Variants in RREB1 observed in about 807,000 individuals in gnomAD.
RREB1 encodes the protein ras-responsive element-binding protein 1.
In RREB1, 27 loss-of-function variants were observed where a neutral mutation model predicts 117.8. The ratio of observed to expected loss-of-function variants is 0.23; its 90% CI spans 0.17 to 0.32. The LOEUF (loss-of-function observed/expected upper bound fraction) is 0.32, where lower values mean the gene tolerates loss of function less well. RREB1 is among the 10% of genes least tolerant of loss of function. The probability of loss-of-function intolerance (pLI) is 1.00; values close to 1 mark genes in which losing one functional copy is unlikely to be tolerated. For synonymous variants in RREB1, 1,298 were observed against 1,026.7 expected (o/e 1.26, Z -5.05); for missense variants, 2,577 against 2,378.2 (o/e 1.08, Z -1.74).
At chr6:7,118,360 A>G (rs1237041522) in intron 1 of RREB1, among the ~76,000 whole-genome samples, 2 of 152,044 alleles carry the variant, frequency 1.3e-5, no homozygotes, top group Non-Finnish European at 2.9e-5. Context: ...ACCTCATGTG[A>G]TCTGCCCGCC....
chr6:7,120,813 AT>A (rs754044532), intron 1 of RREB1, among the ~76,000 whole-genome samples: 2,464 of 109,640 alleles, frequency 0.022, 37 homozygotes, highest in African/African-American at 0.064. Context: ...CGCTTGGCTA[AT>A]TTTTTTTTTT....
intron 1 of RREB1, among the ~76,000 whole-genome samples, chr6:7,173,643 C>G (rs1764343663): frequency 6.6e-6 from 1 of 152,056 alleles, no homozygotes; most frequent in African/African-American, 2.4e-5. Flanking sequence ...CAATTTTAGT[C>G]TCAACTAAAA....
chr6:7,171,835 A>G (rs1261584628), intron 1 of RREB1, among the ~76,000 whole-genome samples: 2 of 152,140 alleles, frequency 1.3e-5, no homozygotes, highest in Non-Finnish European at 2.9e-5. Flanking sequence ...TGGGGCAAGG[A>G]ACTGAGCAGA....
chr6:7,206,248 C>T (rs1356365701), intron 6 of RREB1, among the ~76,000 whole-genome samples: 1 of 152,170 alleles, frequency 6.6e-6, no homozygotes, highest in African/African-American at 2.4e-5. Flanking sequence ...TAACACATGT[C>T]CTCAGTGTTC....
chr6:7,240,712 C>T, intron 11 of RREB1, 110 bp downstream of exon 11: 2 of 967,610 alleles, frequency 2.1e-6, no homozygotes, highest in South Asian at 3.7e-5. Flanking sequence ...GTTCACTTCT[C>T]TGTAGGATTC....
At chr6:7,153,298 C>A (rs1763207275) in intron 1 of RREB1, among the ~76,000 whole-genome samples, 1 of 151,618 alleles carries the variant, frequency 6.6e-6, no homozygotes, top group Admixed American at 6.6e-5. Flanking sequence ...AGATCACTTT[C>A]TCCTGTTTTG....
At chr6:7,166,562 C>T (rs1411586966) in intron 1 of RREB1, among the ~76,000 whole-genome samples, 1 of 152,180 alleles carries the variant, frequency 6.6e-6, no homozygotes, top group Non-Finnish European at 1.5e-5. Context: ...CGGTTTGTAA[C>T]GTCTGATTAC....
Position 7,246,531 on chromosome 6 carries a change from G to T in RREB1, c.4081G>T (p.Ala1361Ser). 6.5e-7 allele frequency: 1 copy of T among 1,546,906 alleles called. No individual in the cohort carries two copies. The highest frequency in any genetic ancestry group is 8.7e-7 in the Non-Finnish European group (1 of 1,146,116). The change falls in exon 12 of 13, where the codon GCA becomes TCA. Residue 1361 changes from alanine to serine, a missense_variant. By Grantham distance (99) the Ala-to-Ser change is moderately conservative. Coordinates refer to ENST00000379938, the MANE Select transcript of RREB1 (RefSeq NM_001003699.4). ...GGGCGCCACTGAGCTCCGCCAGGTCGCAGGGGATGCGCCTGTGGAGCAGGC... is the reference window on the plus strand; with the variant it reads ...GGGCGCCACTGAGCTCCGCCAGGTCTCAGGGGATGCGCCTGTGGAGCAGGC... ...SEGATELRQV[A>S]GDAPVEQATA...
intron 1 of RREB1, among the ~76,000 whole-genome samples, chr6:7,127,294 G>C (rs1373221199): frequency 1.6e-4 from 25 of 152,132 alleles, no homozygotes; most frequent in Admixed American, 1.6e-3. Context: ...AAGTCGGAGA[G>C]AAGACAAGGT....
chr6:7,172,689 T>G (rs560578530), intron 1 of RREB1, among the ~76,000 whole-genome samples: 28 of 136,706 alleles, frequency 2.0e-4, no homozygotes, highest in African/African-American at 6.5e-4. Flanking sequence ...GGGTTGCCGG[T>G]GTGGGGGGGT....
intron 6 of RREB1, among the ~76,000 whole-genome samples, chr6:7,197,175 C>G (rs905557494): frequency 6.6e-6 from 1 of 152,222 alleles, no homozygotes; most frequent in East Asian, 1.9e-4. Context: ...AAATGTGCCT[C>G]ATTTGGAATA....
In RREB1 at chr6:7,215,465, G is replaced by A. The variant is rs557046959; in HGVS notation, c.707+3756G>A. 13 of 152,258 alleles carry A rather than the reference G, an allele frequency of 8.5e-5. No homozygotes were observed. The East Asian group carries it at 2.5e-3, about 29-fold the overall frequency. The allele number at this position is 152,258 out of a possible 1,614,324, so 9.4% of individuals were successfully genotyped here. A position where few individuals can be genotyped will look rare whatever the true frequency, so the allele number is the denominator to read the frequency against. On this transcript the variant is annotated intron_variant, in intron 8 of 12. Transcript: ENST00000379938. ...TGACCCTTCCACCTCAGCCTCCCAA[G>A]TAGCTGGAACCACAGGCATGTGCCG...
At chr6:7,211,338 A>AGATGGACGGATG (rs1554124726) in intron 7 of RREB1, among the ~76,000 whole-genome samples, 3 of 118,566 alleles carry the variant, frequency 2.5e-5, no homozygotes, top group East Asian at 2.5e-4. Context: ...ATGGATGGAC[A>AGATGGACGGATG]GATGGATGGA....
chr6:7,118,958 GTTA>G (rs1450702915), intron 1 of RREB1, among the ~76,000 whole-genome samples: 1 of 151,446 alleles, frequency 6.6e-6, no homozygotes, highest in Non-Finnish European at 1.5e-5. Flanking sequence ...CTCCCATGGT[GTTA>G]TTATTTTTTT....
In RREB1 at chr6:7,249,529, G is replaced by C. The variant is rs1186733394; in HGVS notation, c.*561G>C. On this transcript the variant is annotated 3_prime_UTR_variant, in exon 13 of 13. Transcript: ENST00000379938. ...TTTCCTTTTTTCTTTGTGCTTCATGGTGGAGCTGTCATCTGGTCCTTGGTA... is the reference window on the plus strand; with the variant it reads ...TTTCCTTTTTTCTTTGTGCTTCATGCTGGAGCTGTCATCTGGTCCTTGGTA... The C allele has an allele frequency of 6.6e-6, 1 of 152,638 alleles. No homozygotes were observed. Among genetic ancestry groups the C allele is most frequent in the East Asian group, 1.9e-4 (1 of 5,202 alleles). 9.5% of individuals were successfully genotyped at this position (152,638 alleles called of 1,614,324 possible). A position where few individuals can be genotyped will look rare whatever the true frequency, so the allele number is the denominator to read the frequency against.
At chr6:7,142,778 C>T (rs1049125801) in intron 1 of RREB1, among the ~76,000 whole-genome samples, 2 of 152,230 alleles carry the variant, frequency 1.3e-5, no homozygotes, top group African/African-American at 2.4e-5. Context: ...TACGTGGCAC[C>T]CCCTCTTTCC....
chr6:7,146,198 G>A (rs151063073), intron 1 of RREB1, among the ~76,000 whole-genome samples: 16 of 152,342 alleles, frequency 1.1e-4, no homozygotes, highest in Non-Finnish European at 2.2e-4. Flanking sequence ...CCTGTTGTGT[G>A]AGAAGCAGGC....
At chr6:7,222,937 C>T (rs1767347615) in intron 8 of RREB1, among the ~76,000 whole-genome samples, 1 of 152,106 alleles carries the variant, frequency 6.6e-6, no homozygotes, top group Admixed American at 6.5e-5. Context: ...AACCAATAGG[C>T]TGTGCACTAG....
rs139837784 is a variant in RREB1, at chr6:7,134,061, T to C, written c.-285+26001T>C. Among the ~76,000 whole-genome samples, 222 of 152,318 alleles carry C rather than the reference T, an allele frequency of 1.5e-3. 4 individuals carry two copies. The highest frequency in any genetic ancestry group is 0.012 in the Admixed American group (185 of 15,296). On this transcript the variant is annotated intron_variant, in intron 1 of 12. Coordinates refer to ENST00000379938, the MANE Select transcript of RREB1 (RefSeq NM_001003699.4). ...GGGGCAGGGTCATAGGCTAATGTTATAATTATTTTGCATTCCCTGGGCACT... is the reference window on the plus strand; with the variant it reads ...GGGGCAGGGTCATAGGCTAATGTTACAATTATTTTGCATTCCCTGGGCACT...
Sources: allele counts gnomAD v4.1 joint callset (sites outside exome capture counted in the v4.1 genomes callset), GRCh38; gene constraint gnomAD v4.1.1; transcripts MANE v1.5; gene names NCBI Gene and HGNC (gene_info 2026-07-23, HGNC 2026-07-21).